The following NRG3 variants were observed in gnomAD, a reference collection of about 807,000 sequenced individuals.
The protein encoded by NRG3 is neuregulin 3.
In NRG3, 31 loss-of-function variants were observed where a neutral mutation model predicts 66.9. That is an observed-to-expected ratio of 0.46 (90% CI 0.35 to 0.63). The LOEUF (loss-of-function observed/expected upper bound fraction) is 0.63, where lower values mean the gene tolerates loss of function less well. NRG3 is among the 20% of genes least tolerant of loss of function. The pLI is 0.00. For missense variants in NRG3, 910 were observed against 878.9 expected (o/e 1.04, Z -0.45); for synonymous variants, 393 against 359.4 (o/e 1.09, Z -1.06).
In NRG3 at chr10:82,868,555, T is replaced by C. The variant is rs575651223; in HGVS notation, c.1054+3118T>C. Among the ~76,000 whole-genome samples, 3 of 152,308 alleles carry C rather than the reference T, an allele frequency of 2.0e-5. No individual in the cohort carries two copies. In the South Asian group the frequency reaches 6.2e-4, roughly 32 times the overall value. On this transcript the variant is annotated intron_variant, in intron 4 of 8. Transcript: ENST00000372141. ...ATAATGGCAGCTAAAAAAGGATTGT[T>C]TGCAGTAGTGAATAGCTTTATAAAT...
chr10:82,311,315 T>G (rs2081014501), intron 1 of NRG3, among the ~76,000 whole-genome samples: 1 of 152,180 alleles, frequency 6.6e-6, no homozygotes, highest in Non-Finnish European at 1.5e-5. Context: ...TCTAAAATAA[T>G]CATCTTTAAA....
chr10:81,962,854 A>C (rs2059574037), intron 1 of NRG3, among the ~76,000 whole-genome samples: 4 of 152,150 alleles, frequency 2.6e-5, no homozygotes, highest in Admixed American at 2.6e-4. Context: ...GGATTTCCAC[A>C]GTATGGTGGT....
intron 1 of NRG3, among the ~76,000 whole-genome samples, chr10:82,063,830 TC>T (rs1211319268): frequency 2.0e-5 from 3 of 152,192 alleles, no homozygotes; most frequent in African/African-American, 7.2e-5. Flanking sequence ...CATCGTTTGA[TC>T]TATCAGGTGT....
chr10:82,558,989 A>C (rs1470873333), intron 2 of NRG3, among the ~76,000 whole-genome samples: 1 of 152,212 alleles, frequency 6.6e-6, no homozygotes, highest in Admixed American at 6.6e-5. Context: ...AATCACATGA[A>C]ATTATATTAC....
At chr10:82,196,007 A>T (rs534250413) in intron 1 of NRG3, among the ~76,000 whole-genome samples, 30 of 152,324 alleles carry the variant, frequency 2.0e-4, no homozygotes, top group African/African-American at 7.2e-4. Context: ...GACCTGCAGG[A>T]CTGCTTTTTT....
chr10:82,415,369 G>A (rs1287699652), intron 2 of NRG3, among the ~76,000 whole-genome samples: 1 of 152,114 alleles, frequency 6.6e-6, no homozygotes, highest in Non-Finnish European at 1.5e-5. Context: ...CTCTGTTGCA[G>A]CATTACGATG....
intron 2 of NRG3, among the ~76,000 whole-genome samples, chr10:82,419,529 CT>C (rs1025235090): frequency 2.8e-4 from 43 of 152,098 alleles, no homozygotes; most frequent in East Asian, 2.1e-3. Flanking sequence ...AATTATTTGA[CT>C]TTTTTTTCTC....
intron 1 of NRG3, among the ~76,000 whole-genome samples, chr10:82,197,981 A>G (rs980369753): frequency 9.9e-5 from 15 of 152,214 alleles, no homozygotes; most frequent in African/African-American, 3.4e-4. Flanking sequence ...TAGTCTTATC[A>G]AAAAAGAGAA....
At chr10:82,978,584 A>G (rs183360190) in intron 7 of NRG3, among the ~76,000 whole-genome samples, 265 of 152,232 alleles carry the variant, frequency 1.7e-3, no homozygotes, top group Middle Eastern at 0.01. Flanking sequence ...TTTTATTTCT[A>G]TTAGAGAGAC....
chr10:82,150,526 C>CAAAAAAAAAAAAAAAAAAAAAAAAAAA (rs2070637635), intron 1 of NRG3, among the ~76,000 whole-genome samples: 2 of 17,154 alleles, frequency 1.2e-4, no homozygotes, highest in African/African-American at 3.0e-4. Flanking sequence ...AAAAAGAGCA[C>CAAAAAAAAAAAAAAAAAAAAAAAAAAA]ACACAAAAAA....
chr10:82,492,173 T>A (rs192805470), intron 2 of NRG3, among the ~76,000 whole-genome samples: 6 of 152,308 alleles, frequency 3.9e-5, no homozygotes, highest in Admixed American at 3.3e-4. Context: ...TCTTGATAAT[T>A]TCCAATTGCT....
In NRG3 at chr10:82,615,282, A is replaced by G. The variant is rs927724043; in HGVS notation, c.954-123295A>G. Among the ~76,000 whole-genome samples, 37 of 152,252 alleles carry G rather than the reference A, an allele frequency of 2.4e-4. 1 individual carries two copies. The highest frequency in any genetic ancestry group is 7.5e-4 in the African/African-American group (31 of 41,552). ...ATATGTTATCTGATTATAAAAATAG[A>G]AATAAAAGAAGAGGTCTGGCTGCCG... On this transcript the variant is annotated intron_variant, in intron 2 of 8. Coordinates refer to ENST00000372141, the MANE Select transcript of NRG3 (RefSeq NM_001010848.4).
chr10:82,897,549 C>G (rs926903214), intron 4 of NRG3, among the ~76,000 whole-genome samples: 3 of 152,102 alleles, frequency 2.0e-5, no homozygotes, highest in Non-Finnish European at 2.9e-5. Context: ...GATGCAGTCT[C>G]TTTCTGTCAC....
At chr10:82,427,851 T>G (rs771754450) in intron 2 of NRG3, among the ~76,000 whole-genome samples, 1 of 152,100 alleles carries the variant, frequency 6.6e-6, no homozygotes, top group Non-Finnish European at 1.5e-5. Context: ...TCTTTTATTG[T>G]AGGAGGTTTT....
At chr10:82,569,207 A>G (rs2045590002) in intron 2 of NRG3, among the ~76,000 whole-genome samples, 1 of 151,746 alleles carries the variant, frequency 6.6e-6, no homozygotes, top group African/African-American at 2.4e-5. Flanking sequence ...CAGTTCAATA[A>G]TAATACTAAT....
intron 2 of NRG3, among the ~76,000 whole-genome samples, chr10:82,537,006 T>C (rs1169947578): frequency 6.6e-6 from 1 of 151,902 alleles, no homozygotes; most frequent in Admixed American, 6.6e-5. Flanking sequence ...TTGGAGAAAG[T>C]AGGTTTAGGA....
At chr10:82,403,243 C>T (rs561979008) in intron 2 of NRG3, among the ~76,000 whole-genome samples, 32 of 152,200 alleles carry the variant, frequency 2.1e-4, no homozygotes, top group Non-Finnish European at 3.1e-4. Flanking sequence ...TTGAGCATCC[C>T]ATCATTCAAA....
intron 3 of NRG3, among the ~76,000 whole-genome samples, chr10:82,807,946 CTAAA>C (rs1014896166): frequency 3.3e-5 from 5 of 152,078 alleles, no homozygotes; most frequent in Admixed American, 3.3e-4. Context: ...CTTTCTTTAC[CTAAA>C]TAGTCTCCTC....
intron 2 of NRG3, among the ~76,000 whole-genome samples, chr10:82,726,197 G>A (rs2057587121): frequency 6.6e-6 from 1 of 152,064 alleles, no homozygotes; most frequent in Non-Finnish European, 1.5e-5. Flanking sequence ...CCTGGTCTAT[G>A]GTATTTTGTT....
Sources: allele counts gnomAD v4.1 joint callset (sites outside exome capture counted in the v4.1 genomes callset), GRCh38; gene constraint gnomAD v4.1.1; transcripts MANE v1.5; gene names NCBI Gene and HGNC (gene_info 2026-07-23, HGNC 2026-07-21).